TNRC18: variants seen among roughly 807,000 people sequenced by gnomAD.
TNRC18 encodes trinucleotide repeat containing 18.
A neutral mutation model predicts 226.7 loss-of-function variants in TNRC18; 69 were observed. The ratio of observed to expected loss-of-function variants is 0.30; its 90% confidence interval spans 0.25 to 0.37. The LOEUF (loss-of-function observed/expected upper bound fraction) is 0.37, where lower values mean the gene tolerates loss of function less well. TNRC18 is among the 10% of genes least tolerant of loss of function. The pLI, the probability that TNRC18 is intolerant of heterozygous loss-of-function variation, is 1.00. For missense variants in TNRC18, 4,754 were observed against 4,256.6 expected, an observed-to-expected ratio of 1.12 and a Z score of -3.25; for synonymous variants, 2,449 against 1,927.6, an observed-to-expected ratio of 1.27 and a Z score of -7.09.
At chr7:5,396,587 A>AC (rs1780707339) in intron 2 of TNRC18, among the ~76,000 whole-genome samples, 3 of 152,166 alleles carry the variant, frequency 2.0e-5, no homozygotes. Context: ...GCTGGAATGC[A>AC]CCAGGCACCG....
chr7:5,402,900 G>C (rs1303578348), intron 2 of TNRC18, among the ~76,000 whole-genome samples: 6 of 151,838 alleles, frequency 4.0e-5, no homozygotes, highest in African/African-American at 1.2e-4. Flanking sequence ...GCAAGGTCCT[G>C]ATTAGCTGGA....
At position 5,389,158 on chromosome 7, in the gene TNRC18, C is replaced by T. The variant is rs1400817404; in HGVS notation, c.666G>A (p.Lys222=). Residue 222 remains lysine, a synonymous_variant, in exon 5 of 30, where the codon AAG becomes AAA. Coordinates refer to ENST00000430969, the MANE Select transcript of TNRC18 (RefSeq NM_001080495.3). ...RGGEPPPLFG[K]KDPRARGEEA... ...CCTCGCCCCGGGCGCGCGGGTCCTTCTTGCCGAAAAGCGGAGGCGGCTCCC... is the reference window on the plus strand; with the variant it reads ...CCTCGCCCCGGGCGCGCGGGTCCTTTTTGCCGAAAAGCGGAGGCGGCTCCC... 7.5e-7 allele frequency: 1 copy of T among 1,327,516 alleles called. No individual in the cohort carries two copies. The highest frequency in any genetic ancestry group is 9.6e-7 in the Non-Finnish European group (1 of 1,039,250). The allele number at this position is 1,327,516 out of a possible 1,614,324, so 82.2% of individuals were successfully genotyped here. A position where few individuals can be genotyped will look rare whatever the true frequency, so the allele number is the denominator to read the frequency against.
chr7:5,373,590 G>T (rs1369720869), intron 10 of TNRC18, among the ~76,000 whole-genome samples: 1 of 152,172 alleles, frequency 6.6e-6, no homozygotes, highest in East Asian at 1.9e-4. Flanking sequence ...TACCCCCCAG[G>T]GAGGAAGAAC....
At chr7:5,352,221 T>C (rs1791905179) in intron 16 of TNRC18, 127 bp from the exon 17 acceptor site, 2 of 980,762 alleles carry the variant, frequency 2.0e-6, no homozygotes, top group Non-Finnish European at 2.9e-6. Context: ...GAATACCTAG[T>C]AGGCGGCCGT....
In TNRC18 at chr7:5,377,286, G is replaced by A; in HGVS notation, c.2461+85C>T. On this transcript the variant is annotated intron_variant, in intron 7 of 29. Coordinates refer to ENST00000430969, the MANE Select transcript of TNRC18 (RefSeq NM_001080495.3). The surrounding 1 kb of genome is among the most constrained non-coding windows in gnomAD (Gnocchi z 5.8). ...AGGCCCCCCAGGAAACGGCAGGCAG[G>A]AGCCAGCCCTGAGCTCTTGTCCTGC... The A allele has an allele frequency of 3.7e-6, 5 of 1,365,498 alleles. No homozygotes were observed. The highest frequency in any genetic ancestry group is 4.9e-6 in the Non-Finnish European group (5 of 1,023,250). 84.6% of individuals were successfully genotyped at this position (1,365,498 alleles called of 1,614,324 possible).
In TNRC18 at chr7:5,356,920, A is replaced by G; in HGVS notation, c.5190T>C (p.Ser1730=). The change falls in exon 16 of 30, where the codon TCT becomes TCC. Residue 1730 remains serine (S), a synonymous_variant. Transcript: ENST00000430969. ...SPFASEVSSY[S]YNTDSEEDEE... ...GGCGCGGCATACGCTACTTACTGTA[A>G]GAGTAGCTGCTCACTTCCGAGGCAA... The G allele has an allele frequency of 3.2e-6, 5 of 1,542,862 alleles. No individual in the cohort carries two copies. The highest frequency in any genetic ancestry group is 4.4e-6 in the Non-Finnish European group (5 of 1,142,534).
At chr7:5,325,935 T>C (rs1189088897) in intron 19 of TNRC18, among the ~76,000 whole-genome samples, 2 of 151,800 alleles carry the variant, frequency 1.3e-5, no homozygotes, top group Non-Finnish European at 2.9e-5. Context: ...GGTCTTGCTA[T>C]GTTGCCCAGG....
At chr7:5,384,333 T>C (rs1453627131) in intron 5 of TNRC18, among the ~76,000 whole-genome samples, 2 of 152,070 alleles carry the variant, frequency 1.3e-5, no homozygotes, top group African/African-American at 4.8e-5. Flanking sequence ...CCTCCTAAGC[T>C]CAAGTGATCC....
chr7:5,376,369 G>A (rs1583976730), intron 8 of TNRC18, 145 bp from the exon 9 acceptor site: 3 of 760,992 alleles, frequency 3.9e-6, no homozygotes, highest in East Asian at 2.9e-5. Context: ...GCTCCCCAGG[G>A]GCCAGGAAGT....
intron 10 of TNRC18, 65 bp from the exon 11 acceptor site, chr7:5,371,429 C>A (rs962780224): frequency 2.1e-6 from 3 of 1,437,454 alleles, no homozygotes; most frequent in Admixed American, 2.8e-5. Flanking sequence ...CCCACTGACA[C>A]CCGCCCACCA....
chr7:5,397,956 C>T (rs138511447), intron 2 of TNRC18, among the ~76,000 whole-genome samples: 3 of 152,088 alleles, frequency 2.0e-5, no homozygotes, highest in African/African-American at 7.2e-5. Context: ...GACCTGCCAC[C>T]CAGGACATAC....
At chr7:5,362,411 G>A (rs1389181481) in intron 12 of TNRC18, among the ~76,000 whole-genome samples, 1 of 152,104 alleles carries the variant, frequency 6.6e-6, no homozygotes, top group Non-Finnish European at 1.5e-5. Context: ...TGTTTCCAGT[G>A]GATCACACCG....
chr7:5,310,800 C>G (rs1374699880), intron 27 of TNRC18, among the ~76,000 whole-genome samples: 1 of 152,270 alleles, frequency 6.6e-6, no homozygotes, highest in Non-Finnish European at 1.5e-5. Context: ...CCCACACCTA[C>G]AGCACGTTGG....
chr7:5,406,719 C>A (rs1781489696), intron 2 of TNRC18, among the ~76,000 whole-genome samples: 3 of 151,368 alleles, frequency 2.0e-5, no homozygotes, highest in Non-Finnish European at 4.4e-5. Context: ...GGCATGGTGG[C>A]AGATGCCTGT....
intron 8 of TNRC18, 143 bp from the exon 9 acceptor site, chr7:5,376,367 G>T: frequency 1.3e-6 from 1 of 771,692 alleles, no homozygotes; most frequent in Non-Finnish European, 2.0e-6. Flanking sequence ...CTGCTCCCCA[G>T]GGGCCAGGAA....
chr7:5,371,174 G>C lies in TNRC18; in HGVS notation c.3420C>G (p.Ile1140Met), dbSNP rs780555019. ...DKPIRLSPSKITEPLREGPEE... is the reference protein window; with the variant it reads ...DKPIRLSPSKMTEPLREGPEE... ...CCGGGCCCTCCCGCAGCGGCTCTGTGATCTTGGAGGGGGACAAGCGGATGG... is the reference window on the plus strand; with the variant it reads ...CCGGGCCCTCCCGCAGCGGCTCTGTCATCTTGGAGGGGGACAAGCGGATGG... Residue 1140 changes from isoleucine (I) to methionine (M), a missense_variant, in exon 11 of 30, where the codon ATC (isoleucine) becomes ATG (methionine). By Grantham distance (10) the Ile-to-Met change is conservative. Coordinates refer to ENST00000430969, the MANE Select transcript of TNRC18 (RefSeq NM_001080495.3). The C allele has an allele frequency of 3.7e-6, 6 of 1,606,914 alleles. No individual in the cohort carries two copies. The East Asian group carries it at 1.3e-4, about 36-fold the overall frequency.
At chr7:5,342,180 G>A (rs900266759) in intron 18 of TNRC18, among the ~76,000 whole-genome samples, 3 of 152,210 alleles carry the variant, frequency 2.0e-5, no homozygotes, top group Non-Finnish European at 2.9e-5. Flanking sequence ...TGTAACCCCA[G>A]CACTTTGGGA....
At chr7:5,369,955 T>A (rs1793989479) in intron 11 of TNRC18, among the ~76,000 whole-genome samples, 2 of 152,142 alleles carry the variant, frequency 1.3e-5, no homozygotes, top group African/African-American at 4.8e-5. Context: ...CCACAATTTT[T>A]TAAAAAATTA....
Position 5,376,900 on chromosome 7 carries a change from T to C in TNRC18, c.2555A>G (p.Asp852Gly). Reference sequence around the variant, plus strand: ...GACCACCAGCTGGCCCGATTGGGGGTCCCTGACAAACTGGTAGGCTGACGG... The same window carrying C: ...GACCACCAGCTGGCCCGATTGGGGGCCCCTGACAAACTGGTAGGCTGACGG... ...SLPSAYQFVR[D>G]PQSGQLVVIP... The change falls in exon 8 of 30, where the codon GAC becomes GGC. Residue 852 changes from aspartate to glycine, a missense_variant. By Grantham distance (94) the Asp-to-Gly change is moderately conservative. Transcript: ENST00000430969. 6.2e-7 allele frequency: 1 copy of C among 1,610,188 alleles called. No homozygotes were observed. Among genetic ancestry groups the C allele is most frequent in the Non-Finnish European group, 8.5e-7 (1 of 1,178,374 alleles).
Sources: allele counts gnomAD v4.1 joint callset (sites outside exome capture counted in the v4.1 genomes callset), GRCh38; gene constraint gnomAD v4.1.1; non-coding constraint Gnocchi (gnomAD v3.1); transcripts MANE v1.5; gene names NCBI Gene and HGNC (gene_info 2026-07-23, HGNC 2026-07-21).